PTER: variants seen among roughly 807,000 people sequenced by gnomAD.
PTER encodes phosphotriesterase related, also known as N-acetyltaurine hydrolase.
PTER carries 38 observed loss-of-function variants against 29.6 expected under a neutral mutation model. That is an observed-to-expected ratio of 1.28 (90% confidence interval 0.99 to 1.68). PTER has a LOEUF of 1.68. Ranked by LOEUF, PTER falls within the 40% of genes most tolerant of loss-of-function variation. The probability of loss-of-function intolerance (pLI) is 0.00; values close to 1 mark genes in which losing one functional copy is unlikely to be tolerated. For missense variants in PTER, 482 were observed against 427.8 expected (o/e 1.13, Z -1.12); for synonymous variants, 172 against 154.5 (o/e 1.11, Z -0.84).
In PTER at chr10:16,511,091, A is replaced by T. The variant is rs1836791406; in HGVS notation, c.885A>T (p.Val295=). ...AGGGCTGTGAAGATCGAATTCTGGT[A>T]GCACATGACATACATACGAAAACCC... ...VEEGCEDRIL[V]AHDIHTKTRL... The change falls in exon 5 of 5, where the codon GTA becomes GTT. Residue 295 remains valine, a synonymous_variant. Transcript: ENST00000535784. 1 of 1,614,082 alleles carries T rather than the reference A, an allele frequency of 6.2e-7. No individual in the cohort carries two copies. Among genetic ancestry groups the T allele is most frequent in the East Asian group, 2.2e-5 (1 of 44,878 alleles).
At chr10:16,507,593 T>C (rs959013882) in intron 4 of PTER, among the ~76,000 whole-genome samples, 1 of 152,236 alleles carries the variant, frequency 6.6e-6, no homozygotes, top group African/African-American at 2.4e-5. Context: ...TACGTCTGTA[T>C]GCCTTCTGCT....
intron 1 of PTER, among the ~76,000 whole-genome samples, chr10:16,441,815 T>A (rs1209580033): frequency 1.3e-5 from 2 of 152,210 alleles, no homozygotes; most frequent in East Asian, 3.8e-4. Context: ...CTTTACATAT[T>A]AAATTCTCTG....
chr10:16,452,343 C>T (rs1278059700), intron 1 of PTER, among the ~76,000 whole-genome samples: 2 of 150,370 alleles, frequency 1.3e-5, no homozygotes. Flanking sequence ...GTCACCCAGG[C>T]TGGAGTGCAG....
rs1836201380 is a variant in PTER at position 16,498,495 on chromosome 10, A to G, written c.699-6525A>G. Among the ~76,000 whole-genome samples, 10 of 152,168 alleles carry G rather than the reference A, an allele frequency of 6.6e-5. No individual in the cohort carries two copies. The South Asian group carries it at 2.1e-3, about 31-fold the overall frequency. On this transcript the variant is annotated intron_variant, in intron 3 of 4. Coordinates refer to ENST00000535784, the MANE Select transcript of PTER (RefSeq NM_001261836.2). ...CTACTCGGGAGGCTGAGGCAGGAGAATCGCTTGAACCCAGGAGATGAAAGC... is the reference window on the plus strand; with the variant it reads ...CTACTCGGGAGGCTGAGGCAGGAGAGTCGCTTGAACCCAGGAGATGAAAGC...
downstream of PTER, among the ~76,000 whole-genome samples, chr10:16,516,193 T>C (rs1450687830): frequency 1.3e-5 from 2 of 152,174 alleles, no homozygotes; most frequent in Non-Finnish European, 1.5e-5. Flanking sequence ...GGCACTAATA[T>C]AATGAAAGCA....
chr10:16,445,799 G>A (rs892258173), intron 1 of PTER, among the ~76,000 whole-genome samples: 1 of 152,128 alleles, frequency 6.6e-6, no homozygotes, highest in Admixed American at 6.6e-5. Context: ...CACCAAGGAA[G>A]CCATGCTGTC....
intron 1 of PTER, among the ~76,000 whole-genome samples, chr10:16,469,075 G>T (rs7074783): frequency 0.22 from 33,159 of 152,096 alleles, 3,827 homozygotes; most frequent in Middle Eastern, 0.38. Flanking sequence ...TACCTGTATT[G>T]CTTGAGCAAC....
At chr10:16,463,560 C>T (rs1176633218) in intron 1 of PTER, among the ~76,000 whole-genome samples, 2 of 152,156 alleles carry the variant, frequency 1.3e-5, no homozygotes, top group Non-Finnish European at 2.9e-5. Context: ...GGATTACAGG[C>T]GGGTGCCACC....
chr10:16,484,986 G>GC (rs1835638893), intron 2 of PTER, among the ~76,000 whole-genome samples, 170 bp downstream of exon 2: 2 of 152,140 alleles, frequency 1.3e-5, no homozygotes, highest in African/African-American at 4.8e-5. Flanking sequence ...CATAAAGAAA[G>GC]TGCCAATTTT....
chr10:16,469,867 A>C (rs1485214828), intron 1 of PTER, among the ~76,000 whole-genome samples: 1 of 150,384 alleles, frequency 6.6e-6, no homozygotes, highest in East Asian at 1.9e-4. Context: ...AGCATGAGCC[A>C]CCGTGCCTGG....
chr10:16,476,446 G>A (rs757593210), intron 1 of PTER, among the ~76,000 whole-genome samples: 7 of 152,118 alleles, frequency 4.6e-5, no homozygotes, highest in Non-Finnish European at 7.3e-5. Flanking sequence ...CAAATCTTAT[G>A]TGGTTAATCA....
rs529714099 is a variant in PTER at position 16,484,310 on chromosome 10, G to GTTGT, written c.-48-8_-48-5dup. 4.3e-4 allele frequency: 584 copies of GTTGT among 1,345,910 alleles called. 2 individuals carry two copies. The African/African-American group carries it at 5.9e-3, about 14-fold the overall frequency. The allele number at this position is 1,345,910 out of a possible 1,614,324, so 83.4% of individuals were successfully genotyped here. On this transcript the variant is annotated intron_variant, in intron 1 of 4. Coordinates refer to ENST00000535784, the MANE Select transcript of PTER (RefSeq NM_001261836.2). ...GTGTGTGTTAAATATTCTGATTGTA[G>GTTGT]TTGTTTGTTTGTTTGTTTGTTTTTA...
At chr10:16,478,128 G>A (rs1835344567) in intron 1 of PTER, among the ~76,000 whole-genome samples, 1 of 152,122 alleles carries the variant, frequency 6.6e-6, no homozygotes, top group African/African-American at 2.4e-5. Flanking sequence ...CATTGAGTGT[G>A]GAACCTTCTG....
At chr10:16,460,804 CCTCCCGGG>C (rs2133391132) in intron 1 of PTER, among the ~76,000 whole-genome samples, 1 of 152,200 alleles carries the variant, frequency 6.6e-6, no homozygotes, top group African/African-American at 2.4e-5. Flanking sequence ...GCAACCTCTA[CCTCCCGGG>C]TTCAAGAGAT....
At chr10:16,500,477 C>T (rs1836292721) in intron 3 of PTER, among the ~76,000 whole-genome samples, 1 of 151,958 alleles carries the variant, frequency 6.6e-6, no homozygotes, top group Non-Finnish European at 1.5e-5. Context: ...GTCTCAAACT[C>T]CTGAGCTCAA....
chr10:16,444,652 C>T (rs1200299110), intron 1 of PTER, among the ~76,000 whole-genome samples: 1 of 152,118 alleles, frequency 6.6e-6, no homozygotes, highest in Non-Finnish European at 1.5e-5. Context: ...CTCGGCCTCC[C>T]AAAATGCTAG....
chr10:16,463,085 C>T (rs559238819), intron 1 of PTER, among the ~76,000 whole-genome samples: 63 of 150,524 alleles, frequency 4.2e-4, no homozygotes, highest in African/African-American at 1.2e-3. Flanking sequence ...CTCAGCTACT[C>T]GGGAGACTGA....
downstream of PTER, among the ~76,000 whole-genome samples, chr10:16,514,957 C>T (rs1836926626): frequency 6.6e-6 from 1 of 152,168 alleles, no homozygotes; most frequent in African/African-American, 2.4e-5. Context: ...TCTAACTACA[C>T]ATTCTAAACT....
At chr10:16,516,429 GTTTTTT>G (rs1445979617), downstream of PTER, among the ~76,000 whole-genome samples, 1 of 151,880 alleles carries the variant, frequency 6.6e-6, no homozygotes, top group Admixed American at 6.6e-5. Context: ...TATGACTTGT[GTTTTTT>G]TCTCATCTTT....
Sources: allele counts gnomAD v4.1 joint callset (sites outside exome capture counted in the v4.1 genomes callset), GRCh38; gene constraint gnomAD v4.1.1; transcripts MANE v1.5; gene names NCBI Gene and HGNC (gene_info 2026-07-23, HGNC 2026-07-21).